ZBTB20: variants seen among roughly 807,000 people sequenced by gnomAD.
ZBTB20 encodes the protein zinc finger and BTB domain containing 20.
In ZBTB20, 9 loss-of-function variants were observed where a neutral mutation model predicts 56.9. The ratio of observed to expected loss-of-function variants is 0.16; its 90% CI spans 0.10 to 0.28. ZBTB20 has a LOEUF of 0.28. ZBTB20 is among the 10% of genes least tolerant of loss of function. The pLI is 1.00. For synonymous variants in ZBTB20, 417 were observed against 420.7 expected (o/e 0.99, Z 0.11); for missense variants, 655 against 1,003.0 (o/e 0.65, Z 4.69).
At chr3:114,506,545 C>G (rs1328910427) in intron 6 of ZBTB20, among the ~76,000 whole-genome samples, 1 of 152,088 alleles carries the variant, frequency 6.6e-6, no homozygotes, top group Admixed American at 6.6e-5. Flanking sequence ...GACACAATTC[C>G]TTAGCATGAT....
At chr3:114,540,579 C>T (rs1577395639) in intron 6 of ZBTB20, among the ~76,000 whole-genome samples, 1 of 152,104 alleles carries the variant, frequency 6.6e-6, no homozygotes, top group Non-Finnish European at 1.5e-5. Context: ...GCTACAGTTG[C>T]TTAAAAGAAC....
rs142771375 is a variant in ZBTB20 at position 114,331,152 on chromosome 3, T to C, written c.*7853A>G. 2.1e-3 allele frequency: 313 copies of C among 146,834 alleles called. 1 individual carries two copies. The Middle Eastern group carries it at 0.048, about 22-fold the overall frequency. 9.1% of individuals were successfully genotyped at this position (146,834 alleles called of 1,614,324 possible). A position where few individuals can be genotyped will look rare whatever the true frequency, so the allele number is the denominator to read the frequency against. ...GTGTGTGTGTGCACACTGCATTGCATAGAGGAAAGGAATGAAGACCTTTGA... is the reference window on the plus strand; with the variant it reads ...GTGTGTGTGTGCACACTGCATTGCACAGAGGAAAGGAATGAAGACCTTTGA... On this transcript the variant is annotated 3_prime_UTR_variant, in exon 12 of 12. Transcript: ENST00000675478.
intron 1 of ZBTB20, among the ~76,000 whole-genome samples, chr3:115,147,010 G>C (rs1450273292): frequency 1.3e-5 from 2 of 149,442 alleles, no homozygotes; most frequent in Non-Finnish European, 3.0e-5. Context: ...GGGCGGGGCG[G>C]GGCGCGGGGG....
At chr3:114,491,925 A>G (rs1005184177) in intron 7 of ZBTB20, among the ~76,000 whole-genome samples, 2 of 152,206 alleles carry the variant, frequency 1.3e-5, no homozygotes, top group Admixed American at 1.3e-4. Flanking sequence ...TGAGGTCAAC[A>G]ATAAGCTCAA....
chr3:115,126,606 T>C (rs2084340551), intron 1 of ZBTB20, among the ~76,000 whole-genome samples: 1 of 152,198 alleles, frequency 6.6e-6, no homozygotes, highest in Non-Finnish European at 1.5e-5. Flanking sequence ...TTCTAGCAGA[T>C]AAATACAGCA....
chr3:114,686,998 G>A lies in ZBTB20; in HGVS notation c.-295+6530C>T, dbSNP rs147723399. ...AGGATAACTTCAGTGTAAGGCATGTGAGAAAAATACGCAGAGTAATAGAAC... is the reference window on the plus strand; with the variant it reads ...AGGATAACTTCAGTGTAAGGCATGTAAGAAAAATACGCAGAGTAATAGAAC... On this transcript the variant is annotated intron_variant, in intron 6 of 11. Coordinates refer to ENST00000675478, the MANE Select transcript of ZBTB20 (RefSeq NM_001348800.3). Among the ~76,000 whole-genome samples, 239 of 152,264 alleles carry A rather than the reference G, an allele frequency of 1.6e-3. 1 individual carries two copies. The highest frequency in any genetic ancestry group is 2.7e-3 in the Non-Finnish European group (185 of 68,026).
At chr3:114,810,839 G>A (rs970681162) in intron 4 of ZBTB20, among the ~76,000 whole-genome samples, 6 of 152,018 alleles carry the variant, frequency 3.9e-5, no homozygotes, top group African/African-American at 9.7e-5. Context: ...TTGAATGAAC[G>A]TTTTCATAAT....
At chr3:114,912,719 T>G (rs754120231) in intron 3 of ZBTB20, among the ~76,000 whole-genome samples, 6 of 151,898 alleles carry the variant, frequency 4.0e-5, no homozygotes, top group Non-Finnish European at 5.9e-5. Flanking sequence ...TAGCTATCGT[T>G]TTGTACTCAT....
At chr3:114,471,191 A>G (rs2040085096) in intron 7 of ZBTB20, among the ~76,000 whole-genome samples, 1 of 152,200 alleles carries the variant, frequency 6.6e-6, no homozygotes, top group South Asian at 2.1e-4. Context: ...TAAAGATAAT[A>G]AATAATATTA....
intron 4 of ZBTB20, among the ~76,000 whole-genome samples, chr3:114,860,836 C>T (rs1271428198): frequency 6.6e-6 from 1 of 152,194 alleles, no homozygotes; most frequent in African/African-American, 2.4e-5. Flanking sequence ...TGACAGAAGG[C>T]ATTTTACTCT....
At chr3:114,554,586 T>C (rs934660326) in intron 6 of ZBTB20, among the ~76,000 whole-genome samples, 58 of 152,178 alleles carry the variant, frequency 3.8e-4, no homozygotes, top group African/African-American at 1.2e-3. Flanking sequence ...ATTATTCTCA[T>C]AAAAGGTGAT....
At chr3:114,769,723 C>T (rs1027057407) in intron 5 of ZBTB20, among the ~76,000 whole-genome samples, 1 of 151,604 alleles carries the variant, frequency 6.6e-6, no homozygotes, top group Non-Finnish European at 1.5e-5. Context: ...GTATGTTCTC[C>T]TGATATGTGG....
chr3:114,515,621 T>C (rs903163141), intron 6 of ZBTB20, among the ~76,000 whole-genome samples: 7 of 152,208 alleles, frequency 4.6e-5, no homozygotes, highest in Non-Finnish European at 1.0e-4. Context: ...CACTCTCAGC[T>C]AGTAACCTTG....
chr3:115,016,619 G>A (rs575589661), intron 2 of ZBTB20, among the ~76,000 whole-genome samples: 2 of 151,792 alleles, frequency 1.3e-5, no homozygotes, highest in Non-Finnish European at 2.9e-5. Flanking sequence ...TCAGATGGTT[G>A]TAGGCATGTG....
At chr3:114,833,657 G>T (rs1400854226) in intron 4 of ZBTB20, among the ~76,000 whole-genome samples, 1 of 150,418 alleles carries the variant, frequency 6.6e-6, no homozygotes, top group Non-Finnish European at 1.5e-5. Flanking sequence ...AGCCTTCTGA[G>T]TAGCTGGGAC....
At chr3:114,828,142 A>C (rs1463027892) in intron 4 of ZBTB20, among the ~76,000 whole-genome samples, 1 of 151,788 alleles carries the variant, frequency 6.6e-6, no homozygotes, top group African/African-American at 2.4e-5. Context: ...ATTATTCCAT[A>C]AGATCTGTAG....
intron 3 of ZBTB20, among the ~76,000 whole-genome samples, chr3:114,925,767 CT>C (rs2076135544): frequency 1.3e-5 from 2 of 152,062 alleles, no homozygotes; most frequent in South Asian, 4.1e-4. Context: ...ACCTCGTGAT[CT>C]GCCCACCTTG....
At chr3:114,506,267 T>C (rs1297582505) in intron 6 of ZBTB20, among the ~76,000 whole-genome samples, 1 of 152,146 alleles carries the variant, frequency 6.6e-6, no homozygotes, top group African/African-American at 2.4e-5. Context: ...CTTCAAAATT[T>C]TGATGATGAA....
intron 7 of ZBTB20, among the ~76,000 whole-genome samples, chr3:114,483,087 G>A (rs1398130994): frequency 3.9e-5 from 6 of 152,160 alleles, no homozygotes. Flanking sequence ...ATGTAGCAGT[G>A]AAGAGCCTTG....
Sources: allele counts gnomAD v4.1 joint callset (sites outside exome capture counted in the v4.1 genomes callset), GRCh38; gene constraint gnomAD v4.1.1; transcripts MANE v1.5; gene names NCBI Gene and HGNC (gene_info 2026-07-23, HGNC 2026-07-21).